LRIF1: variants seen among roughly 807,000 people sequenced by gnomAD.
LRIF1 encodes ligand-dependent nuclear receptor-interacting factor 1.
LRIF1 carries 32 observed loss-of-function variants against 52.7 expected under a neutral mutation model. The ratio of observed to expected loss-of-function variants is 0.61; its 90% confidence interval spans 0.46 to 0.82. The LOEUF (loss-of-function observed/expected upper bound fraction) is 0.82, where lower values mean the gene tolerates loss of function less well. LRIF1 is among the 40% of genes least tolerant of loss of function. The pLI, the probability that LRIF1 is intolerant of heterozygous loss-of-function variation, is 0.00. For synonymous variants in LRIF1, 323 were observed against 317.4 expected, an observed-to-expected ratio of 1.02 and a Z score of -0.19; for missense variants, 887 against 892.0, an observed-to-expected ratio of 0.99 and a Z score of 0.07.
In LRIF1 at chr1:110,963,791, T is replaced by G; in HGVS notation, c.-103A>C. The G allele has an allele frequency of 1.1e-6, 1 of 922,058 alleles. No individual in the cohort carries two copies. Among genetic ancestry groups the G allele is most frequent in the Non-Finnish European group, 1.7e-6 (1 of 591,790 alleles). 57.1% of individuals were successfully genotyped at this position (922,058 alleles called of 1,614,324 possible). A position where few individuals can be genotyped will look rare whatever the true frequency, so the allele number is the denominator to read the frequency against. ...AGAGCGAGGGAATGTTGGGCTGGAGTTGCCCACAGCAACTGTGAGGGGTTC... is the reference window on the plus strand; with the variant it reads ...AGAGCGAGGGAATGTTGGGCTGGAGGTGCCCACAGCAACTGTGAGGGGTTC... On this transcript the variant is annotated 5_prime_UTR_variant, in exon 1 of 4. Transcript: ENST00000369763.
At chr1:110,902,964 G>C in the LRIF1 span, among the ~76,000 whole-genome samples, 385 of 152,270 alleles carry the variant, frequency 2.5e-3, 1 homozygote, top group African/African-American at 8.9e-3. Context: ...TGGGTGCCGG[G>C]GGAGGGAGAA....
intron 3 of LRIF1, among the ~76,000 whole-genome samples, chr1:110,948,919 T>C (rs1478510462): frequency 6.6e-6 from 1 of 152,204 alleles, no homozygotes; most frequent in Non-Finnish European, 1.5e-5. Context: ...TATGCATGCT[T>C]ATATCTTCTA....
At chr1:110,911,814 A>G in the LRIF1 span, among the ~76,000 whole-genome samples, 2 of 152,198 alleles carry the variant, frequency 1.3e-5, no homozygotes, top group East Asian at 1.9e-4. Flanking sequence ...ACCCCTTCAT[A>G]TTAAAAGCCC....
chr1:110,917,634 G>GT, the LRIF1 span, among the ~76,000 whole-genome samples: 977 of 93,124 alleles, frequency 0.01, 3 homozygotes, highest in South Asian at 0.029. Flanking sequence ...TATTTTTTTT[G>GT]TTTTTTTGTT....
the LRIF1 span, among the ~76,000 whole-genome samples, chr1:110,934,037 G>T: frequency 6.6e-6 from 1 of 152,170 alleles, no homozygotes; most frequent in Admixed American, 6.5e-5. Flanking sequence ...AGAGTTCAGA[G>T]ACCCTTGTTC....
At chr1:110,927,521 A>G in the LRIF1 span, among the ~76,000 whole-genome samples, 1 of 152,310 alleles carries the variant, frequency 6.6e-6, no homozygotes, top group African/African-American at 2.4e-5. Flanking sequence ...TCCAGTAGCC[A>G]GAAGTCTTTG....
the LRIF1 span, among the ~76,000 whole-genome samples, chr1:110,916,038 T>A: frequency 6.6e-6 from 1 of 152,124 alleles, no homozygotes; most frequent in Non-Finnish European, 1.5e-5. Context: ...ATGTGAAATG[T>A]AGACCTTCAA....
intron 1 of LRIF1, 27 bp downstream of exon 1, chr1:110,963,594 T>C (rs773294148): frequency 1.9e-6 from 3 of 1,591,860 alleles, no homozygotes; most frequent in East Asian, 2.3e-5. Context: ...GGGGCAGCCG[T>C]GGGGAGGATT....
At chr1:110,933,231 G>A in the LRIF1 span, among the ~76,000 whole-genome samples, 3 of 152,216 alleles carry the variant, frequency 2.0e-5, no homozygotes, top group East Asian at 5.8e-4. Context: ...GGTTTCTCAT[G>A]TTGAGAATGT....
At chr1:110,899,278 C>A in the LRIF1 span, 1 of 957,244 alleles carries the variant, frequency 1.0e-6, no homozygotes, top group South Asian at 1.4e-5. Flanking sequence ...TACATGATCA[C>A]TGCAGGATGA....
At chr1:110,927,762 G>A in the LRIF1 span, among the ~76,000 whole-genome samples, 1 of 152,102 alleles carries the variant, frequency 6.6e-6, no homozygotes, top group Non-Finnish European at 1.5e-5. Flanking sequence ...ATACAAAAAA[G>A]TGAATTCTGG....
Position 110,951,779 on chromosome 1 carries a change from T to G in LRIF1, c.1105A>C (p.Lys369Gln). ...MFNGKVYLLA[K>Q]KGTDVLPSQI... ...GATGGCAGAACATCTGTCCCCTTTT[T>G]AGCCAACAGATAGACTTTCCCATTA... Residue 369 changes from lysine to glutamine, a missense_variant, in exon 2 of 4, where the codon AAA (lysine) becomes CAA (glutamine). Transcript: ENST00000369763. 1.2e-6 allele frequency: 2 copies of G among 1,612,724 alleles called. No individual in the cohort carries two copies. The highest frequency in any genetic ancestry group is 4.5e-5 in the East Asian group (2 of 44,878).
chr1:110,945,572 T>A (rs1037867817), downstream of LRIF1, among the ~76,000 whole-genome samples: 6 of 152,106 alleles, frequency 3.9e-5, no homozygotes, highest in African/African-American at 1.2e-4. Flanking sequence ...ATTACAGGCA[T>A]GCACAACCAT....
the LRIF1 span, among the ~76,000 whole-genome samples, chr1:110,902,334 C>T: frequency 6.6e-6 from 1 of 152,032 alleles, no homozygotes; most frequent in Non-Finnish European, 1.5e-5. Flanking sequence ...CAAAATAATA[C>T]AGCACATAGT....
Position 110,952,410 on chromosome 1 carries a change from T to G in LRIF1, c.474A>C (p.Lys158Asn). The G allele has an allele frequency of 1.2e-6, 2 of 1,613,024 alleles. No individual in the cohort carries two copies. The highest frequency in any genetic ancestry group is 2.2e-5 in the South Asian group (2 of 91,064). ...TATTAACTACAATAAAAGATGAGTC[T>G]TTTTGTGTTGAGGGAGGAACAGCAA... The part of the protein sequence containing the change: ...QTFAVPPSTQ[K>N]DSSFIVVNTQ... The change falls in exon 2 of 4, where the codon AAA becomes AAC. Residue 158 changes from lysine (K) to asparagine (N), a missense_variant. Physicochemically the swap from Lys to Asn is moderately conservative, Grantham distance 94. Coordinates refer to ENST00000369763, the MANE Select transcript of LRIF1 (RefSeq NM_018372.4).
the LRIF1 span, among the ~76,000 whole-genome samples, chr1:110,927,896 G>A: frequency 6.6e-6 from 1 of 152,056 alleles, no homozygotes; most frequent in African/African-American, 2.4e-5. Context: ...TATTTAAAAA[G>A]AAAAGGTGAG....
the LRIF1 span, among the ~76,000 whole-genome samples, chr1:110,893,772 T>C: frequency 1.1e-4 from 16 of 152,222 alleles, no homozygotes; most frequent in South Asian, 3.3e-3. Flanking sequence ...AATGTTGGGG[T>C]AAAAAAGGTG....
chr1:110,928,999 C>T, the LRIF1 span, among the ~76,000 whole-genome samples: 1 of 152,132 alleles, frequency 6.6e-6, no homozygotes, highest in East Asian at 1.9e-4. Flanking sequence ...TTATTTTCAT[C>T]GAATTTTATA....
chr1:110,961,371 C>T (rs1658941130), intron 1 of LRIF1, among the ~76,000 whole-genome samples: 1 of 152,202 alleles, frequency 6.6e-6, no homozygotes, highest in Admixed American at 6.5e-5. Context: ...AAGTGGTAAG[C>T]TAGGATATGA....
Sources: allele counts gnomAD v4.1 joint callset (sites outside exome capture counted in the v4.1 genomes callset), GRCh38; gene constraint gnomAD v4.1.1; transcripts MANE v1.5; gene names NCBI Gene and HGNC (gene_info 2026-07-23, HGNC 2026-07-21).